Variants in CCDC149 observed in about 807,000 individuals in gnomAD.
CCDC149 encodes the protein coiled-coil domain-containing protein 149.
Under a neutral mutation model 59.9 loss-of-function variants are expected in CCDC149, and 45 were observed. That is an observed-to-expected ratio of 0.75 (90% CI 0.59 to 0.96). The LOEUF (loss-of-function observed/expected upper bound fraction) is 0.96, where lower values mean the gene tolerates loss of function less well. CCDC149 is among the 40% of genes least tolerant of loss of function. The pLI is 0.00. For synonymous variants in CCDC149, 245 were observed against 260.6 expected (o/e 0.94, Z 0.58); for missense variants, 584 against 664.7 (o/e 0.88, Z 1.33).
At chr4:24,815,088 T>C (rs1364405769) in intron 12 of CCDC149, among the ~76,000 whole-genome samples, 2 of 152,184 alleles carry the variant, frequency 1.3e-5, no homozygotes, top group Admixed American at 6.5e-5. Flanking sequence ...TAATAATAAA[T>C]AGCTTATTAA....
intron 1 of CCDC149, among the ~76,000 whole-genome samples, chr4:24,949,442 G>A (rs1176868754): frequency 7.3e-5 from 11 of 151,448 alleles, no homozygotes; most frequent in Middle Eastern, 3.2e-3. Context: ...GTGGCAGGGA[G>A]GGGGGGTGGT....
intron 1 of CCDC149, among the ~76,000 whole-genome samples, chr4:24,880,269 G>A (rs1215987451): frequency 6.6e-6 from 1 of 152,218 alleles, no homozygotes; most frequent in Non-Finnish European, 1.5e-5. Context: ...GCATACATTT[G>A]TAGCCTAGGA....
chr4:24,878,882 G>A (rs575893963), intron 1 of CCDC149, among the ~76,000 whole-genome samples: 76 of 152,270 alleles, frequency 5.0e-4, no homozygotes, highest in African/African-American at 1.8e-3. Flanking sequence ...GGGTCCAAGA[G>A]AAAAGCCATT....
At chr4:24,839,028 TCACACACACACA>T (rs56226858) in intron 4 of CCDC149, among the ~76,000 whole-genome samples, 10 of 132,118 alleles carry the variant, frequency 7.6e-5, no homozygotes, top group Admixed American at 5.4e-4. Flanking sequence ...TCTCTCTCTC[TCACACACACACA>T]CACACACACA....
chr4:24,885,345 G>T (rs1452525435), intron 1 of CCDC149, among the ~76,000 whole-genome samples: 1 of 152,224 alleles, frequency 6.6e-6, no homozygotes, highest in Non-Finnish European at 1.5e-5. Flanking sequence ...CTTGAGAAGA[G>T]AAGAGAAAGT....
chr4:24,878,655 C>T (rs1428368081), intron 1 of CCDC149, among the ~76,000 whole-genome samples: 2 of 152,234 alleles, frequency 1.3e-5, no homozygotes, highest in Non-Finnish European at 2.9e-5. Context: ...AGACAGTCAC[C>T]TTTATCCCTT....
intron 1 of CCDC149, among the ~76,000 whole-genome samples, chr4:24,892,576 C>T (rs1720590261): frequency 6.6e-6 from 1 of 152,198 alleles, no homozygotes; most frequent in African/African-American, 2.4e-5. Context: ...ATAGAAGCGT[C>T]AGCCAAAACA....
At chr4:24,831,724 T>G in intron 8 of CCDC149, 74 bp from the exon 9 acceptor site, 1 of 1,375,940 alleles carries the variant, frequency 7.3e-7, no homozygotes, top group Non-Finnish European at 1.0e-6. Context: ...ATGTCAATCC[T>G]TCTTGGATAA....
chr4:24,863,297 CACAAA>C (rs1337147718), intron 3 of CCDC149, among the ~76,000 whole-genome samples: 1 of 152,122 alleles, frequency 6.6e-6, no homozygotes, highest in Non-Finnish European at 1.5e-5. Context: ...ACCTCAAAAA[CACAAA>C]ACAAAACAAA....
At chr4:24,829,607 G>A (rs1441032086) in intron 9 of CCDC149, 1 of 152,148 alleles carries the variant, frequency 6.6e-6, no homozygotes, top group Non-Finnish European at 1.5e-5. Context: ...GGGGATACTG[G>A]TGACCTGCAA....
chr4:24,899,099 A>C (rs1032500524), intron 1 of CCDC149, among the ~76,000 whole-genome samples: 6 of 152,192 alleles, frequency 3.9e-5, no homozygotes, highest in African/African-American at 1.4e-4. Flanking sequence ...TAGCAACTGC[A>C]TGGAGGAAAG....
intron 1 of CCDC149, among the ~76,000 whole-genome samples, chr4:24,889,378 A>G (rs1190210299): frequency 6.6e-6 from 1 of 152,210 alleles, no homozygotes; most frequent in African/African-American, 2.4e-5. Flanking sequence ...ATCATGGCTT[A>G]CCTAGAGTGA....
chr4:24,876,332 CACACACACAG>C (rs57044917), intron 2 of CCDC149, among the ~76,000 whole-genome samples, 194 bp downstream of exon 2: 2,281 of 124,784 alleles, frequency 0.018, 53 homozygotes, highest in African/African-American at 0.071. Flanking sequence ...CACACACACA[CACACACACAG>C]AGAGAGAGAG....
At chr4:24,886,708 C>CTT (rs1321682107) in intron 1 of CCDC149, among the ~76,000 whole-genome samples, 4 of 152,078 alleles carry the variant, frequency 2.6e-5, no homozygotes, top group Non-Finnish European at 4.4e-5. Context: ...AATCCTTTTA[C>CTT]TTTAACCTCT....
rs138416139 is a variant in CCDC149, at chr4:24,810,663, C to T, written c.1193-1844G>A. On this transcript the variant is annotated intron_variant, in intron 12 of 12. Coordinates refer to ENST00000635206, the MANE Select transcript of CCDC149 (RefSeq NM_001330643.2). ...CATTTGAATGCACCACAATTTCCAA[C>T]AGGTATGTAAATGTTGAATGAAAAT... 4.1e-3 allele frequency among the ~76,000 whole-genome samples: 622 copies of T among 152,254 alleles called. 5 individuals carry two copies. Among genetic ancestry groups the T allele is most frequent in the African/African-American group, 0.014 (589 of 41,552 alleles).
chr4:24,925,132 C>T (rs1722401611), intron 1 of CCDC149, among the ~76,000 whole-genome samples: 1 of 152,182 alleles, frequency 6.6e-6, no homozygotes, highest in African/African-American at 2.4e-5. Context: ...TTCTCTGTCC[C>T]TTATGCCAGC....
chr4:24,892,326 G>C (rs1032562317), intron 1 of CCDC149, among the ~76,000 whole-genome samples: 1 of 152,144 alleles, frequency 6.6e-6, no homozygotes, highest in Non-Finnish European at 1.5e-5. Flanking sequence ...TGGTACTATA[G>C]GTTTGTCAAA....
chr4:24,855,426 C>T (rs772962614), intron 3 of CCDC149, among the ~76,000 whole-genome samples: 48 of 151,974 alleles, frequency 3.2e-4, no homozygotes, highest in African/African-American at 5.3e-4. Context: ...ATTAGCCAGG[C>T]ATAGTAGCAC....
chr4:24,928,550 T>C (rs1577489701), intron 1 of CCDC149, among the ~76,000 whole-genome samples: 1 of 152,356 alleles, frequency 6.6e-6, no homozygotes, highest in East Asian at 1.9e-4. Context: ...AATCTAACCA[T>C]GACTGGGTGA....
Sources: gnomAD v4.1 joint callset for allele counts (sites outside exome capture counted in the v4.1 genomes callset) on GRCh38, gnomAD v4.1.1 for gene constraint, MANE v1.5 for transcripts, NCBI Gene and HGNC (gene_info 2026-07-23, HGNC 2026-07-21) for gene names.